The following CHN2 variants were observed in gnomAD, a reference collection of about 807,000 sequenced individuals.
CHN2 encodes chimerin 2.
A neutral mutation model predicts 56.3 loss-of-function variants in CHN2; 35 were observed. The ratio of observed to expected loss-of-function variants is 0.62; its 90% CI spans 0.47 to 0.82. CHN2 has a LOEUF of 0.82. CHN2 is among the 40% of genes least tolerant of loss of function. The pLI is 0.00. For missense variants in CHN2, 491 were observed against 580.5 expected (o/e 0.85, Z 1.58); for synonymous variants, 210 against 212.8 (o/e 0.99, Z 0.12).
chr7:29,500,826 A>G lies in CHN2; in HGVS notation c.913+786A>G, dbSNP rs1789885256. 2.6e-5 allele frequency among the ~76,000 whole-genome samples: 4 copies of G among 152,244 alleles called. 1 individual carries two copies. The South Asian group carries it at 8.3e-4, about 32-fold the overall frequency. On this transcript the variant is annotated intron_variant, in intron 9 of 12. Coordinates refer to ENST00000222792, the MANE Select transcript of CHN2 (RefSeq NM_004067.4). Reference sequence around the variant, plus strand: ...GAGAGTTCAAAGATTTAAAAGATCTATGCAATGAAAAATAAAGGAAACAAG... The same window carrying G: ...GAGAGTTCAAAGATTTAAAAGATCTGTGCAATGAAAAATAAAGGAAACAAG...
At chr7:29,218,222 ACT>A (rs1785487784) in intron 1 of CHN2, among the ~76,000 whole-genome samples, 1 of 142,478 alleles carries the variant, frequency 7.0e-6, no homozygotes, top group Non-Finnish European at 1.5e-5. Context: ...CGCCAGCATG[ACT>A]CTCTTTCCTT....
chr7:29,343,958 C>A (rs1315307273), intron 1 of CHN2, among the ~76,000 whole-genome samples: 5 of 152,248 alleles, frequency 3.3e-5, no homozygotes, highest in Non-Finnish European at 7.3e-5. Context: ...GTCTGCCAGG[C>A]CTGCTTCTCC....
At chr7:29,164,355 T>C (rs1001395660) in intron 2 of CHN2, among the ~76,000 whole-genome samples, 1 of 152,210 alleles carries the variant, frequency 6.6e-6, no homozygotes, top group African/African-American at 2.4e-5. Flanking sequence ...CTCTTCTTAT[T>C]AAGTTGTAAG....
At chr7:29,153,609 G>T (rs928582156) in intron 2 of CHN2, among the ~76,000 whole-genome samples, 98 of 151,982 alleles carry the variant, frequency 6.4e-4, no homozygotes, top group Non-Finnish European at 1.0e-4. Context: ...ACTCACTTTT[G>T]CCCAGGCTGA....
intron 6 of CHN2, among the ~76,000 whole-genome samples, chr7:29,420,816 C>CTT (rs56050438): frequency 0.019 from 2,784 of 146,400 alleles, 24 homozygotes; most frequent in Middle Eastern, 0.035. Flanking sequence ...TCTTTTCTTT[C>CTT]TTTTTTTTTT....
intron 3 of CHN2, among the ~76,000 whole-genome samples, chr7:29,373,639 C>G (rs1293091002): frequency 6.6e-6 from 1 of 152,138 alleles, no homozygotes; most frequent in Non-Finnish European, 1.5e-5. Context: ...TCTTTTCTAT[C>G]TTTATTTCTA....
chr7:29,219,722 G>A (rs1584773939), intron 1 of CHN2, among the ~76,000 whole-genome samples: 1 of 152,138 alleles, frequency 6.6e-6, no homozygotes, highest in Non-Finnish European at 1.5e-5. Context: ...ATTAATATCA[G>A]GCAAAGTAGA....
chr7:29,217,760 T>C (rs1034576838), intron 1 of CHN2, among the ~76,000 whole-genome samples: 1 of 152,166 alleles, frequency 6.6e-6, no homozygotes, highest in African/African-American at 2.4e-5. Context: ...TAAGGATATC[T>C]GAATAAAAGA....
At chr7:29,388,723 A>G (rs1221542442) in intron 3 of CHN2, among the ~76,000 whole-genome samples, 1 of 152,162 alleles carries the variant, frequency 6.6e-6, no homozygotes, top group Non-Finnish European at 1.5e-5. Context: ...TGATAGACAT[A>G]TTAGAGGGCA....
chr7:29,469,379 G>A (rs1785837964), intron 6 of CHN2, among the ~76,000 whole-genome samples: 1 of 152,300 alleles, frequency 6.6e-6, no homozygotes, highest in East Asian at 1.9e-4. Context: ...TCATTCAGAT[G>A]ATACCACAGC....
At chr7:29,160,478 CCCCTTTT>C (rs1795031221) in intron 2 of CHN2, among the ~76,000 whole-genome samples, 1 of 152,150 alleles carries the variant, frequency 6.6e-6, no homozygotes, top group Non-Finnish European at 1.5e-5. Context: ...GTCATGGCTA[CCCCTTTT>C]CCCTTTGCCA....
intron 8 of CHN2, 22 bp from the exon 9 acceptor site, chr7:29,499,845 A>T: frequency 6.5e-7 from 1 of 1,544,576 alleles, no homozygotes; most frequent in Non-Finnish European, 8.7e-7. Context: ...GGGCTAGGCT[A>T]ATGTGGCTTC....
intron 12 of CHN2, among the ~76,000 whole-genome samples, chr7:29,510,534 G>C (rs1791186228): frequency 6.6e-6 from 1 of 152,156 alleles, no homozygotes; most frequent in Non-Finnish European, 1.5e-5. Context: ...TTCCTTAAAG[G>C]CTGTTGGACT....
chr7:29,308,463 GT>G (rs1293998213), intron 1 of CHN2, among the ~76,000 whole-genome samples: 5 of 1,754 alleles, frequency 2.9e-3, no homozygotes, highest in South Asian at 4.2e-3. Flanking sequence ...GGTGGTTGGG[GT>G]GTGTGTGTGT....
chr7:29,287,148 T>G (rs1792212822), intron 1 of CHN2, among the ~76,000 whole-genome samples: 2 of 152,146 alleles, frequency 1.3e-5, no homozygotes, highest in Admixed American at 6.5e-5. Flanking sequence ...TATTCTCCCT[T>G]GTTTGATTCA....
chr7:29,250,513 G>C (rs940011456), intron 1 of CHN2, among the ~76,000 whole-genome samples: 6 of 152,106 alleles, frequency 3.9e-5, no homozygotes, highest in African/African-American at 1.4e-4. Context: ...AGGTACAGAA[G>C]ACATGAGACT....
intron 1 of CHN2, among the ~76,000 whole-genome samples, chr7:29,284,280 A>C (rs1412560227): frequency 6.6e-6 from 1 of 151,850 alleles, no homozygotes; most frequent in African/African-American, 2.4e-5. Flanking sequence ...TTTTTAGTAG[A>C]GATGGGGTTT....
chr7:29,500,808 C>T (rs578170757), intron 9 of CHN2, among the ~76,000 whole-genome samples: 81 of 151,994 alleles, frequency 5.3e-4, no homozygotes, highest in Non-Finnish European at 8.7e-4. Flanking sequence ...GAGGAGAGTT[C>T]AAAGATTTAA....
intron 1 of CHN2, among the ~76,000 whole-genome samples, chr7:29,331,615 C>G (rs1443079124): frequency 6.6e-6 from 1 of 152,138 alleles, no homozygotes; most frequent in Non-Finnish European, 1.5e-5. Context: ...GGAAGAGACC[C>G]CTGGGAGAAG....
Sources: allele counts gnomAD v4.1 joint callset (sites outside exome capture counted in the v4.1 genomes callset), GRCh38; gene constraint gnomAD v4.1.1; transcripts MANE v1.5; gene names NCBI Gene and HGNC (gene_info 2026-07-23, HGNC 2026-07-21).